Variants in DNAJC1 observed in about 807,000 individuals in gnomAD.
DNAJC1 encodes the protein dnaJ homolog subfamily C member 1.
DNAJC1 carries 58 observed loss-of-function variants against 76.6 expected under a neutral mutation model. That is an observed-to-expected ratio of 0.76 (90% confidence interval 0.61 to 0.94). The LOEUF (loss-of-function observed/expected upper bound fraction) is 0.94. Ranked by LOEUF, DNAJC1 falls within the 40% of genes least tolerant of loss-of-function variation. The pLI is 0.00. For missense variants in DNAJC1, 689 were observed against 677.3 expected (o/e 1.02, Z -0.19); for synonymous variants, 258 against 267.9 (o/e 0.96, Z 0.36).
chr10:21,761,317 G>T lies in DNAJC1; in HGVS notation c.1148-1699C>A, dbSNP rs191396364. ...CTCACGCCTGTAATCCCAACACTTT[G>T]GGAGGCCAAGGCAGGGGGGATCCCC... is the stretch of plus-strand genomic sequence containing the variant. On this transcript the variant is annotated intron_variant, in intron 10 of 11. Transcript: ENST00000376980. Among the ~76,000 whole-genome samples, 698 of 152,268 alleles carry T rather than the reference G, an allele frequency of 4.6e-3. 1 individual carries two copies. The highest frequency in any genetic ancestry group is 0.016 in the African/African-American group (665 of 41,560).
chr10:21,765,274 C>A (rs1331127236), intron 10 of DNAJC1, among the ~76,000 whole-genome samples: 1 of 152,024 alleles, frequency 6.6e-6, no homozygotes, highest in Non-Finnish European at 1.5e-5. Flanking sequence ...CACTATGTTG[C>A]CCAGGCTGGT....
Position 21,920,861 on chromosome 10 carries a change from C to T in DNAJC1, c.474G>A (p.Leu158=). The T allele has an allele frequency of 1.9e-6, 3 of 1,613,104 alleles. No homozygotes were observed. The highest frequency in any genetic ancestry group is 2.5e-6 in the Non-Finnish European group (3 of 1,179,366). Residue 158 remains leucine (L), a synonymous_variant, in exon 4 of 12, where the codon TTG becomes TTA. Transcript: ENST00000376980. ...AATGACCCACTGTGAGAATAATGAA[C>T]AAGAGTAATGCCAGCTCAGCATTGC... The part of the protein sequence containing the change: ...KMSNAELALL[L]FIILTVGHYA...
chr10:21,779,476 G>T (rs1387599480), intron 9 of DNAJC1, among the ~76,000 whole-genome samples: 2 of 152,200 alleles, frequency 1.3e-5, no homozygotes, highest in African/African-American at 2.4e-5. Context: ...GTGATACCCA[G>T]GCAAACAGGG....
At chr10:21,817,512 C>T (rs1342319212) in intron 8 of DNAJC1, among the ~76,000 whole-genome samples, 2 of 151,798 alleles carry the variant, frequency 1.3e-5, no homozygotes, top group Non-Finnish European at 2.9e-5. Flanking sequence ...GAAACAATAA[C>T]ACTATCATCA....
At chr10:21,857,202 T>C (rs765261947) in intron 8 of DNAJC1, among the ~76,000 whole-genome samples, 10 of 152,164 alleles carry the variant, frequency 6.6e-5, no homozygotes, top group Non-Finnish European at 1.5e-4. Flanking sequence ...CCATTTTACT[T>C]GGAAATGAAG....
intron 7 of DNAJC1, among the ~76,000 whole-genome samples, chr10:21,899,772 T>C (rs768099593): frequency 1.3e-5 from 2 of 152,180 alleles, no homozygotes; most frequent in Non-Finnish European, 2.9e-5. Flanking sequence ...GTATCCTGCA[T>C]TGCGGGGGGA....
At chr10:21,980,667 C>T (rs1418039023) in intron 1 of DNAJC1, among the ~76,000 whole-genome samples, 5 of 151,984 alleles carry the variant, frequency 3.3e-5, no homozygotes, top group Non-Finnish European at 5.9e-5. Context: ...TGTTAATGTC[C>T]TGGTTTTTAT....
intron 8 of DNAJC1, among the ~76,000 whole-genome samples, chr10:21,881,640 T>C (rs574084563): frequency 6.6e-6 from 1 of 152,054 alleles, no homozygotes; most frequent in Non-Finnish European, 1.5e-5. Context: ...ATGTGTGCAC[T>C]TCACGGTACC....
intron 8 of DNAJC1, among the ~76,000 whole-genome samples, chr10:21,862,781 C>G (rs1409332283): frequency 6.6e-6 from 1 of 151,992 alleles, no homozygotes; most frequent in Non-Finnish European, 1.5e-5. Flanking sequence ...AGCATTAACA[C>G]TTAGAAAAAG....
At chr10:21,878,516 T>C (rs1836223175) in intron 8 of DNAJC1, among the ~76,000 whole-genome samples, 1 of 152,186 alleles carries the variant, frequency 6.6e-6, no homozygotes, top group Non-Finnish European at 1.5e-5. Context: ...TTTGATAAGT[T>C]TTAACTTTTT....
At chr10:21,990,069 A>G (rs1385444730) in intron 1 of DNAJC1, among the ~76,000 whole-genome samples, 2 of 152,246 alleles carry the variant, frequency 1.3e-5, no homozygotes, top group Admixed American at 6.5e-5. Context: ...CAAACTGCAC[A>G]ACTATACACG....
intron 8 of DNAJC1, among the ~76,000 whole-genome samples, chr10:21,839,835 C>T (rs551448350): frequency 1.4e-4 from 21 of 152,270 alleles, no homozygotes; most frequent in South Asian, 6.2e-4. Context: ...TGATGAACAT[C>T]GATGCAAAAA....
chr10:21,774,171 A>G (rs1020823504), intron 9 of DNAJC1, among the ~76,000 whole-genome samples: 1 of 151,730 alleles, frequency 6.6e-6, no homozygotes, highest in African/African-American at 2.4e-5. Context: ...ATGTATAAAG[A>G]TACAGAATAT....
intron 8 of DNAJC1, among the ~76,000 whole-genome samples, chr10:21,861,067 A>T (rs1342904616): frequency 6.6e-6 from 1 of 152,200 alleles, no homozygotes; most frequent in Non-Finnish European, 1.5e-5. Context: ...TTTCCAAATA[A>T]GGTCACATTC....
intron 8 of DNAJC1, among the ~76,000 whole-genome samples, chr10:21,837,164 C>A (rs939646122): frequency 6.6e-6 from 1 of 152,226 alleles, no homozygotes; most frequent in African/African-American, 2.4e-5. Context: ...CTGCCAGCCT[C>A]GGCCTCCCGA....
At chr10:21,995,794 T>A (rs1838407844) in intron 1 of DNAJC1, among the ~76,000 whole-genome samples, 1 of 152,216 alleles carries the variant, frequency 6.6e-6, no homozygotes, top group South Asian at 2.1e-4. Context: ...CAGAAACACT[T>A]ATCAAATATG....
intron 8 of DNAJC1, among the ~76,000 whole-genome samples, chr10:21,833,393 C>T (rs1835393554): frequency 6.6e-6 from 1 of 152,140 alleles, no homozygotes; most frequent in African/African-American, 2.4e-5. Flanking sequence ...ATCAATTGAA[C>T]CTAGGAGGCG....
intron 1 of DNAJC1, among the ~76,000 whole-genome samples, chr10:21,965,868 C>T (rs114194523): frequency 0.038 from 5,830 of 152,202 alleles, 322 homozygotes; most frequent in African/African-American, 0.12. Flanking sequence ...GCAGACTCGC[C>T]CTGAATTCTT....
Position 21,765,362 on chromosome 10 carries a change from G to A in DNAJC1, c.1147+899C>T, listed in dbSNP as rs552789315. On this transcript the variant is annotated intron_variant, in intron 10 of 11. Transcript: ENST00000376980. The stretch of plus-strand genomic sequence containing the variant: ...AAACTATAGCTGTGCCACCACGCCC[G>A]GCTGGGGTGGCTTTTTGAGATCTCT... 2.4e-4 allele frequency among the ~76,000 whole-genome samples: 37 copies of A among 152,166 alleles called. No homozygotes were observed. The South Asian group carries it at 5.8e-3, about 24-fold the overall frequency.
Sources: allele counts gnomAD v4.1 joint callset (sites outside exome capture counted in the v4.1 genomes callset), GRCh38; gene constraint gnomAD v4.1.1; transcripts MANE v1.5; gene names NCBI Gene and HGNC (gene_info 2026-07-23, HGNC 2026-07-21).